ZNF638: variants seen among roughly 807,000 people sequenced by gnomAD.
ZNF638 encodes CTCL tumor antigen se33-1.
ZNF638 carries 46 observed loss-of-function variants against 195.6 expected under a neutral mutation model. The ratio of observed to expected loss-of-function variants is 0.24; its 90% CI spans 0.19 to 0.30. ZNF638 has a LOEUF of 0.30. Among genes scored for constraint, ZNF638 ranks in the 10% least tolerant of loss-of-function variants. The probability of loss-of-function intolerance (pLI) is 1.00; values close to 1 mark genes in which losing one functional copy is unlikely to be tolerated. For missense variants in ZNF638, 2,440 were observed against 2,325.3 expected (o/e 1.05, Z -1.01); for synonymous variants, 845 against 772.0 (o/e 1.09, Z -1.57).
Position 71,376,926 on chromosome 2 carries a change from A to C in ZNF638, c.2266-3296A>C, listed in dbSNP as rs376106136. ...TACCAGTAATCCGATGAAAGCAAAC[A>C]TTCTTTTTTTCCCAGGGAAAGGGCC... On this transcript the variant is annotated intron_variant, in intron 8 of 27. Coordinates refer to ENST00000264447, the MANE Select transcript of ZNF638 (RefSeq NM_014497.5). Among the ~76,000 whole-genome samples, 12 of 152,276 alleles carry C rather than the reference A, an allele frequency of 7.9e-5. No homozygotes were observed. In the East Asian group the frequency reaches 1.2e-3, roughly 15 times the overall value.
chr2:71,346,782 G>A (rs2078857145), intron 1 of ZNF638, among the ~76,000 whole-genome samples: 1 of 152,158 alleles, frequency 6.6e-6, no homozygotes, highest in Non-Finnish European at 1.5e-5. Flanking sequence ...CACTTTGGGA[G>A]GTCAAGGCAA....
At position 71,363,998 on chromosome 2, in the gene ZNF638, C is replaced by G. The variant is rs1207073357; in HGVS notation, c.1463C>G (p.Ser488Cys). The G allele has an allele frequency of 6.2e-7, 1 of 1,614,120 alleles. No individual in the cohort carries two copies. The highest frequency in any genetic ancestry group is 8.5e-7 in the Non-Finnish European group (1 of 1,180,000). ...GAAAATGAAACTCCACGAAGACGTT[C>G]TCATTCCCCCAGTCCTAGGCGTTCT... ...RKENETPRRRSHSPSPRRSRR... is the reference protein window; with the variant it reads ...RKENETPRRRCHSPSPRRSRR... Residue 488 changes from serine to cysteine, a missense_variant, in exon 5 of 28, where the codon TCT becomes TGT. Ser to Cys is a moderately radical substitution (Grantham distance 112). Transcript: ENST00000264447.
intron 8 of ZNF638, among the ~76,000 whole-genome samples, chr2:71,373,256 CTATT>C (rs1437353195): frequency 5.9e-5 from 9 of 151,754 alleles, no homozygotes; most frequent in Admixed American, 5.2e-4. Flanking sequence ...TTAGCTATAT[CTATT>C]AACTGTTTAA....
At position 71,348,577 on chromosome 2, in the gene ZNF638, G is replaced by A. The variant is rs1209134436; in HGVS notation, c.-202-176G>A. 6 of 1,194,068 alleles carry A rather than the reference G, an allele frequency of 5.0e-6. 1 individual carries two copies. Among genetic ancestry groups the A allele is most frequent in the Non-Finnish European group, 6.3e-6 (6 of 947,944 alleles). The allele number at this position is 1,194,068 out of a possible 1,614,324, so 74.0% of individuals were successfully genotyped here. ...GGGCTTGTGTTCTGCATTCAGGAAAGAAAAGAAGAGAAAGTTTTTGGGAAA... is the reference window on the plus strand; with the variant it reads ...GGGCTTGTGTTCTGCATTCAGGAAAAAAAAGAAGAGAAAGTTTTTGGGAAA... On this transcript the variant is annotated intron_variant, in intron 1 of 27. Coordinates refer to ENST00000264447, the MANE Select transcript of ZNF638 (RefSeq NM_014497.5).
At chr2:71,414,088 G>A (rs1004347076) in intron 20 of ZNF638, among the ~76,000 whole-genome samples, 2 of 144,690 alleles carry the variant, frequency 1.4e-5, no homozygotes, top group East Asian at 3.0e-4. Flanking sequence ...GTAGAATTCG[G>A]CTGTGAATCC....
chr2:71,340,043 AT>A (rs1303113030), intron 1 of ZNF638, among the ~76,000 whole-genome samples: 4 of 152,238 alleles, frequency 2.6e-5, no homozygotes, highest in African/African-American at 9.6e-5. Context: ...AATCATTGCT[AT>A]ATGGGATTAA....
chr2:71,370,473 G>A (rs973816112), intron 8 of ZNF638, among the ~76,000 whole-genome samples: 1 of 151,996 alleles, frequency 6.6e-6, no homozygotes. Flanking sequence ...ATCAAGTTTT[G>A]TAACTTTAAT....
chr2:71,374,466 T>G (rs893604871), intron 8 of ZNF638, among the ~76,000 whole-genome samples: 69 of 152,210 alleles, frequency 4.5e-4, no homozygotes, highest in Non-Finnish European at 1.6e-4. Flanking sequence ...GTTAATGTTT[T>G]TCCTCTTTAT....
rs1573052786 is a variant in ZNF638 at position 71,364,208 on chromosome 2, C to T, written c.1673C>T (p.Ser558Leu). 7 of 1,614,204 alleles carry T rather than the reference C, an allele frequency of 4.3e-6. No individual in the cohort carries two copies. The highest frequency in any genetic ancestry group is 1.1e-5 in the South Asian group (1 of 91,074). ...PFRGSPKCFRSVSPERMSRRS... is the reference protein window; with the variant it reads ...PFRGSPKCFRLVSPERMSRRS... ...AGAGGTAGTCCAAAATGCTTTCGAT[C>T]AGTTAGCCCTGAGAGGATGTCAAGG... Residue 558 changes from serine (S) to leucine (L), a missense_variant, in exon 5 of 28, where the codon TCA becomes TTA. Ser to Leu is a moderately radical substitution (Grantham distance 145). Around this residue, in one of 5 missense-constraint regions of ZNF638, gnomAD observed 1,883 missense variants for 1,739.1 expected, o/e 1.08. Coordinates refer to ENST00000264447, the MANE Select transcript of ZNF638 (RefSeq NM_014497.5).
intron 11 of ZNF638, among the ~76,000 whole-genome samples, chr2:71,397,944 A>G (rs187842781): frequency 6.6e-6 from 1 of 152,236 alleles, no homozygotes; most frequent in African/African-American, 2.4e-5. Flanking sequence ...TGACTATGAT[A>G]TAAGTATTCT....
chr2:71,422,745 C>A (rs2080457938), intron 21 of ZNF638, 69 bp from the exon 22 acceptor site: 1 of 1,481,522 alleles, frequency 6.7e-7, no homozygotes, highest in African/African-American at 1.4e-5. Flanking sequence ...TGGTTGAATT[C>A]TCATCATAGT....
intron 6 of ZNF638, among the ~76,000 whole-genome samples, chr2:71,366,565 G>A (rs1227338649): frequency 6.6e-6 from 1 of 152,062 alleles, no homozygotes; most frequent in Non-Finnish European, 1.5e-5. Flanking sequence ...ACATTTTGAT[G>A]GTTTGGCATT....
In ZNF638 at chr2:71,365,498, A is replaced by G; in HGVS notation, c.1787A>G (p.His596Arg). 6.2e-7 allele frequency: 1 copy of G among 1,614,162 alleles called. No homozygotes were observed. Among genetic ancestry groups the G allele is most frequent in the Non-Finnish European group, 8.5e-7 (1 of 1,179,992 alleles). ...GGGACAGAATTTAATAAACAGAAGC[A>G]TCTTGAAGCTGCTGATAAGGGACAT... ...GHGTEFNKQKHLEAADKGHSP... is the reference protein window; with the variant it reads ...GHGTEFNKQKRLEAADKGHSP... The change falls in exon 6 of 28, where the codon CAT (histidine) becomes CGT (arginine). Residue 596 changes from histidine (H) to arginine (R), a missense_variant. This residue lies in a region of ZNF638 where 1,883 missense variants were observed against 1,739.1 expected (regional missense o/e 1.08). Coordinates refer to ENST00000264447, the MANE Select transcript of ZNF638 (RefSeq NM_014497.5).
At chr2:71,385,450 C>G (rs1398553785) in intron 10 of ZNF638, among the ~76,000 whole-genome samples, 1 of 151,678 alleles carries the variant, frequency 6.6e-6, no homozygotes, top group Non-Finnish European at 1.5e-5. Context: ...ATGTATATCA[C>G]ATTGAAATGA....
Position 71,365,618 on chromosome 2 carries a change from C to G in ZNF638, c.1907C>G (p.Ser636Cys), listed in dbSNP as rs1288290489. ...AGTGATTCAAATCTAGGAGGACATT[C>G]TATTCGTTGTAAATCAAAGAATCTT... is the stretch of plus-strand genomic sequence containing the variant. Reference protein sequence around the residue: ...TKSDSNLGGHSIRCKSKNLED... With the variant: ...TKSDSNLGGHCIRCKSKNLED... Residue 636 changes from serine (S) to cysteine (C), a missense_variant, in exon 6 of 28, where the codon TCT becomes TGT. This residue lies in a region of ZNF638 where 1,883 missense variants were observed against 1,739.1 expected (regional missense o/e 1.08). Transcript: ENST00000264447. The G allele has an allele frequency of 3.7e-6, 6 of 1,613,980 alleles. No homozygotes were observed. The highest frequency in any genetic ancestry group is 4.2e-6 in the Non-Finnish European group (5 of 1,179,966).
intron 16 of ZNF638, among the ~76,000 whole-genome samples, chr2:71,402,961 T>C (rs1408152319): frequency 6.6e-6 from 1 of 152,128 alleles, no homozygotes; most frequent in East Asian, 1.9e-4. Context: ...TTTCACATTA[T>C]GTTAAAAGTA....
intron 11 of ZNF638, among the ~76,000 whole-genome samples, chr2:71,396,759 C>T (rs1033723625): frequency 1.8e-4 from 27 of 152,196 alleles, no homozygotes; most frequent in African/African-American, 5.8e-4. Context: ...GCTTGGCCAA[C>T]GAGGTGAAAT....
chr2:71,336,525 C>T (rs7567305), intron 1 of ZNF638, among the ~76,000 whole-genome samples: 39,937 of 151,970 alleles, frequency 0.26, 6,895 homozygotes, highest in African/African-American at 0.49. Flanking sequence ...ACTCGTCTTA[C>T]TAAAAGAAAG....
intron 3 of ZNF638, 43 bp from the exon 4 acceptor site, chr2:71,363,110 T>A: frequency 7.0e-7 from 1 of 1,432,756 alleles, no homozygotes; most frequent in Non-Finnish European, 9.7e-7. Flanking sequence ...AGCCTTACAG[T>A]CTGATTTTAG....
Sources: gnomAD v4.1 joint callset for allele counts (sites outside exome capture counted in the v4.1 genomes callset) on GRCh38, gnomAD v4.1.1 for gene constraint, gnomAD v4.1.1 regional missense constraint, MANE v1.5 for transcripts, NCBI Gene and HGNC (gene_info 2026-07-23, HGNC 2026-07-21) for gene names.